Variants in OR51B5 observed in about 807,000 individuals in gnomAD.
The protein encoded by OR51B5 is olfactory receptor family 51 subfamily B member 5.
For missense variants in OR51B5, 456 were observed against 374.6 expected, an observed-to-expected ratio of 1.22 and a Z score of -1.79; for synonymous variants, 186 against 144.8, an observed-to-expected ratio of 1.28 and a Z score of -2.04.
In OR51B5 at chr11:5,359,732, G is replaced by C. The variant is rs374529063; in HGVS notation, n.85-12822C>G. 7.6e-4 allele frequency among the ~76,000 whole-genome samples: 115 copies of C among 150,914 alleles called. 2 individuals are homozygous for C. In the South Asian group the frequency reaches 0.021, roughly 28 times the overall value. On this transcript the variant is annotated intron_variant and non_coding_transcript_variant, in intron 1 of 4. Coordinates refer to the OR51B5 transcript ENST00000415970. ...CAAAGCTGGAGGCATCACGCTACCTGACTTCAAACTATACTACAAGGCTAC... is the reference window on the plus strand; with the variant it reads ...CAAAGCTGGAGGCATCACGCTACCTCACTTCAAACTATACTACAAGGCTAC...
At chr11:5,422,494 C>T (rs1442941960) in intron 1 of OR51B5, 2 of 1,614,020 alleles carry the variant, frequency 1.2e-6, no homozygotes, top group African/African-American at 1.3e-5. Flanking sequence ...GCTCTGAGGC[C>T]TGTTTTGCTC....
intron 1 of OR51B5, among the ~76,000 whole-genome samples, chr11:5,363,677 C>T (rs1012072450): frequency 1.3e-5 from 2 of 152,194 alleles, no homozygotes; most frequent in Non-Finnish European, 2.9e-5. Flanking sequence ...AAGAACAACT[C>T]TGCCATTTGG....
At chr11:5,441,139 C>A in intron 1 of OR51B5, 6 of 1,613,968 alleles carry the variant, frequency 3.7e-6, no homozygotes, top group Non-Finnish European at 5.1e-6. Flanking sequence ...CAAATAGCCA[C>A]AAAGCGATCC....
At chr11:5,391,743 G>A (rs1421018467) in intron 1 of OR51B5, 1 of 146,000 alleles carries the variant, frequency 6.8e-6, no homozygotes, top group African/African-American at 2.6e-5. Flanking sequence ...AAATTACCAT[G>A]AGGCCAGGCA....
At chr11:5,439,841 A>G (rs1375793887) in intron 1 of OR51B5, among the ~76,000 whole-genome samples, 1 of 152,158 alleles carries the variant, frequency 6.6e-6, no homozygotes, top group African/African-American at 2.4e-5. Flanking sequence ...GTTCTTATCA[A>G]AAGCAGTTCT....
rs937524590 is a variant in OR51B5, at chr11:5,374,165, G to A, written n.85-27255C>T. ...GAGGAACGATCAGACAGCAGCATTCGCGGATCACGAAAATCTGCGGTTCTG... is the reference window on the plus strand; with the variant it reads ...GAGGAACGATCAGACAGCAGCATTCACGGATCACGAAAATCTGCGGTTCTG... On this transcript the variant is annotated intron_variant and non_coding_transcript_variant, in intron 1 of 4. Coordinates refer to the OR51B5 transcript ENST00000415970. 8.5e-5 allele frequency among the ~76,000 whole-genome samples: 13 copies of A among 152,254 alleles called. No individual in the cohort carries two copies. In the Middle Eastern group the frequency reaches 0.01, roughly 120 times the overall value.
At chr11:5,344,360 T>C (rs1039681072), upstream of OR51B5, among the ~76,000 whole-genome samples, 2 of 152,212 alleles carry the variant, frequency 1.3e-5, no homozygotes, top group African/African-American at 2.4e-5. Context: ...TATTTTTCTA[T>C]AGGCCTACTG....
At chr11:5,376,256 GAAAC>G (rs1849526114) in intron 1 of OR51B5, among the ~76,000 whole-genome samples, 1 of 152,064 alleles carries the variant, frequency 6.6e-6, no homozygotes, top group African/African-American at 2.4e-5. Context: ...GATGTTCTTT[GAAAC>G]CAATGAGAAC....
intron 1 of OR51B5, among the ~76,000 whole-genome samples, chr11:5,374,581 T>C (rs139735827): frequency 1.3e-5 from 2 of 151,946 alleles, no homozygotes; most frequent in African/African-American, 4.8e-5. Flanking sequence ...ATAAAAACTT[T>C]GAAAAAAAAT....
intron 1 of OR51B5, chr11:5,402,576 C>A: frequency 2.2e-6 from 1 of 458,868 alleles, no homozygotes; most frequent in South Asian, 1.6e-5. Flanking sequence ...TGGCACTGAT[C>A]CCTGAGGATG....
At chr11:5,378,457 T>A (rs567243966) in intron 1 of OR51B5, among the ~76,000 whole-genome samples, 10 of 152,160 alleles carry the variant, frequency 6.6e-5, no homozygotes, top group African/African-American at 2.4e-4. Context: ...CAAAATTCAC[T>A]AATGGGATCT....
chr11:5,423,207 G>A (rs1004037829), intron 1 of OR51B5: 7 of 1,467,394 alleles, frequency 4.8e-6, no homozygotes, highest in East Asian at 2.4e-5. Flanking sequence ...CTTAAGGGGG[G>A]AATATATTCA....
intron 1 of OR51B5, among the ~76,000 whole-genome samples, chr11:5,388,119 GAAAT>G (rs1849729799): frequency 6.6e-6 from 1 of 151,848 alleles, no homozygotes; most frequent in Non-Finnish European, 1.5e-5. Context: ...ATTGAATATT[GAAAT>G]AATTATTGAA....
At chr11:5,383,504 C>T (rs115226343) in intron 1 of OR51B5, among the ~76,000 whole-genome samples, 1,604 of 152,262 alleles carry the variant, frequency 0.011, 14 homozygotes, top group African/African-American at 0.025. Flanking sequence ...CTCTGGAAAA[C>T]GACGGGTCCA....
intron 1 of OR51B5, chr11:5,352,234 A>G: frequency 1.2e-6 from 2 of 1,614,170 alleles, no homozygotes; most frequent in Non-Finnish European, 8.5e-7. Context: ...TGTCTCTCAT[A>G]TCTGCTGCAT....
At position 5,415,064 on chromosome 11, in the gene OR51B5, TA is replaced by T. The variant is rs555936948; in HGVS notation, n.85-68155del. 8.2e-3 allele frequency among the ~76,000 whole-genome samples: 1,250 copies of T among 152,100 alleles called. 19 individuals are homozygous for T. The highest frequency in any genetic ancestry group is 0.029 in the African/African-American group (1,197 of 41,480). On this transcript the variant is annotated intron_variant and non_coding_transcript_variant, in intron 1 of 4. Transcript: ENST00000415970. Reference sequence around the variant, plus strand: ...AGCAAATGTAAAAGAACAGAAATTATAACAAACTATCTCTCAGACCACAGTG... The same window carrying T: ...AGCAAATGTAAAAGAACAGAAATTATACAAACTATCTCTCAGACCACAGTG...
intron 1 of OR51B5, among the ~76,000 whole-genome samples, chr11:5,432,737 GA>G (rs1279009456): frequency 1.3e-5 from 2 of 152,268 alleles, no homozygotes; most frequent in South Asian, 4.1e-4. Context: ...GACCCAGAGA[GA>G]AAAATTGAAT....
chr11:5,341,979 T>C (rs1446079845), downstream of OR51B5, among the ~76,000 whole-genome samples: 1 of 152,204 alleles, frequency 6.6e-6, no homozygotes, highest in Non-Finnish European at 1.5e-5. Context: ...AATATGAGTT[T>C]ATGGTTTTTG....
rs772828706 is a variant in OR51B5 at position 5,390,275 on chromosome 11, C to A, written n.85-43365G>T. The A allele has an allele frequency of 2.8e-5, 45 of 1,613,862 alleles. No homozygotes were observed. In the Admixed American group the frequency reaches 4.2e-4, roughly 15 times the overall value. ...TCATCTTCTTATGGCCAATGTCTAC[C>A]TTTTTGTGCCTCCCATGCTTAACCC... On this transcript the variant is annotated intron_variant and non_coding_transcript_variant, in intron 1 of 4. Transcript: ENST00000415970.
Sources: gnomAD v4.1 joint callset for allele counts (sites outside exome capture counted in the v4.1 genomes callset) on GRCh38, gnomAD v4.1.1 for gene constraint, MANE v1.5 for transcripts, NCBI Gene and HGNC (gene_info 2026-07-23, HGNC 2026-07-21) for gene names.